Variants in C3orf49 observed in about 807,000 individuals in gnomAD.
C3orf49 encodes the protein chromosome 3 open reading frame 49, also known as putative uncharacterized protein C3orf49.
C3orf49 carries 27 observed loss-of-function variants against 13.3 expected under a neutral mutation model. The observed-to-expected ratio is 2.02, with a 90% CI of 1.49 to 2.79. The LOEUF is 2.79. C3orf49 is among the 30% of genes most tolerant of loss of function. The pLI, the probability that C3orf49 is intolerant of heterozygous loss-of-function variation, is 0.00. For synonymous variants in C3orf49, 87 were observed against 47.6 expected (o/e 1.83, Z -3.40); for missense variants, 242 against 134.2 (o/e 1.80, Z -3.97).
chr3:63,803,317 G>T, the C3orf49 span, among the ~76,000 whole-genome samples: 1 of 152,182 alleles, frequency 6.6e-6, no homozygotes, highest in Non-Finnish European at 1.5e-5. Flanking sequence ...CCATGGCTTG[G>T]ATATGTGACA....
chr3:63,792,379 C>T, the C3orf49 span, among the ~76,000 whole-genome samples: 6 of 152,200 alleles, frequency 3.9e-5, no homozygotes, highest in African/African-American at 7.2e-5. Context: ...AATTGTTTTT[C>T]GGCGTGAATA....
chr3:63,838,327 A>C, intron 5 of C3orf49: 3 of 1,313,932 alleles, frequency 2.3e-6, no homozygotes, highest in South Asian at 1.4e-5. Flanking sequence ...TTTCCTTTAG[A>C]CCATAAAAAA....
the C3orf49 span, among the ~76,000 whole-genome samples, chr3:63,796,630 T>C: frequency 6.6e-6 from 1 of 152,302 alleles, no homozygotes; most frequent in East Asian, 1.9e-4. Context: ...CAAATAACAC[T>C]ATATGACTTT....
chr3:63,786,248 C>CTGA, the C3orf49 span, among the ~76,000 whole-genome samples: 1 of 151,922 alleles, frequency 6.6e-6, no homozygotes, highest in African/African-American at 2.4e-5. Context: ...ATGTTCGTAA[C>CTGA]TGATGATGAT....
the C3orf49 span, among the ~76,000 whole-genome samples, chr3:63,797,287 T>C: frequency 6.6e-6 from 1 of 152,064 alleles, no homozygotes; most frequent in Non-Finnish European, 1.5e-5. Flanking sequence ...TGTATGCAGT[T>C]ATGTGTGAAT....
At chr3:63,831,546 T>A in intron 4 of C3orf49, 134 bp from the exon 5 acceptor site, 1 of 636,774 alleles carries the variant, frequency 1.6e-6, no homozygotes, top group Non-Finnish European at 2.8e-6. Context: ...ATGACTTGAA[T>A]TAGAATAATA....
chr3:63,804,778 T>C, the C3orf49 span, among the ~76,000 whole-genome samples: 2 of 152,168 alleles, frequency 1.3e-5, no homozygotes, highest in African/African-American at 2.4e-5. Context: ...ATTCACTTGA[T>C]CAGTATGTCT....
chr3:63,782,273 T>TA, the C3orf49 span, among the ~76,000 whole-genome samples: 260 of 152,310 alleles, frequency 1.7e-3, no homozygotes, highest in Middle Eastern at 0.014. Flanking sequence ...AAACCCTTTT[T>TA]AAAAAATCTT....
chr3:63,817,857 T>A (rs774910467), upstream of C3orf49, among the ~76,000 whole-genome samples: 4 of 152,178 alleles, frequency 2.6e-5, no homozygotes, highest in Non-Finnish European at 5.9e-5. Context: ...TTTCCTAGCA[T>A]AAAATTCATC....
chr3:63,814,838 G>A (rs1465192818), upstream of C3orf49, among the ~76,000 whole-genome samples: 1 of 151,946 alleles, frequency 6.6e-6, no homozygotes, highest in African/African-American at 2.4e-5. Context: ...GGCTGTTCTT[G>A]CATTACTATA....
the C3orf49 span, among the ~76,000 whole-genome samples, chr3:63,785,609 A>T: frequency 6.6e-6 from 1 of 152,200 alleles, no homozygotes; most frequent in South Asian, 2.1e-4. Flanking sequence ...CACTTAGGAG[A>T]TGGCATGTGT....
intron 5 of C3orf49, among the ~76,000 whole-genome samples, chr3:63,842,601 GA>G (rs1701791252): frequency 6.6e-6 from 1 of 152,116 alleles, no homozygotes; most frequent in Non-Finnish European, 1.5e-5. Flanking sequence ...CTCAGGAATG[GA>G]AAATCAAATA....
chr3:63,780,180 CCTT>C, the C3orf49 span, among the ~76,000 whole-genome samples: 1 of 152,152 alleles, frequency 6.6e-6, no homozygotes, highest in Non-Finnish European at 1.5e-5. Flanking sequence ...GTGATGTTCT[CCTT>C]CTTGTGTCCA....
chr3:63,787,826 A>C, the C3orf49 span, among the ~76,000 whole-genome samples: 3 of 152,092 alleles, frequency 2.0e-5, no homozygotes, highest in African/African-American at 7.2e-5. Context: ...TGGCAACCCA[A>C]CTCCCAGGTT....
the C3orf49 span, among the ~76,000 whole-genome samples, chr3:63,802,892 A>C: frequency 6.6e-6 from 1 of 152,160 alleles, no homozygotes; most frequent in Non-Finnish European, 1.5e-5. Flanking sequence ...ACACACACAC[A>C]TACACAGACA....
At chr3:63,809,766 C>T in the C3orf49 span, among the ~76,000 whole-genome samples, 1 of 152,206 alleles carries the variant, frequency 6.6e-6, no homozygotes, top group Non-Finnish European at 1.5e-5. Flanking sequence ...GGTGCATCTT[C>T]CCTGGATCTC....
the C3orf49 span, among the ~76,000 whole-genome samples, chr3:63,801,659 C>G: frequency 1.3e-5 from 2 of 152,300 alleles, 1 homozygote; most frequent in South Asian, 4.1e-4. Flanking sequence ...AGGACAGTGC[C>G]TGGTACATAG....
At chr3:63,835,263 TATATAG>T in intron 5 of C3orf49, 1 of 1,612,466 alleles carries the variant, frequency 6.2e-7, no homozygotes, top group Non-Finnish European at 8.5e-7. Context: ...ATGACCTGTA[TATATAG>T]ATATATAGAC....
At chr3:63,834,511 T>C (rs1386062659) in intron 5 of C3orf49, among the ~76,000 whole-genome samples, 1 of 151,800 alleles carries the variant, frequency 6.6e-6, no homozygotes, top group African/African-American at 2.4e-5. Flanking sequence ...AATACTAAAA[T>C]TAGCTGGGTG....
Sources: gnomAD v4.1 joint callset for allele counts (sites outside exome capture counted in the v4.1 genomes callset) on GRCh38, gnomAD v4.1.1 for gene constraint, MANE v1.5 for transcripts, NCBI Gene and HGNC (gene_info 2026-07-23, HGNC 2026-07-21) for gene names.